The following SNRNP70 variants were observed in gnomAD, a reference collection of about 807,000 sequenced individuals.
SNRNP70 encodes U1 small nuclear ribonucleoprotein 70 kDa.
Under a neutral mutation model 50.5 loss-of-function variants are expected in SNRNP70, and 8 were observed. The observed-to-expected ratio is 0.16, with a 90% CI of 0.09 to 0.29. SNRNP70 has a LOEUF of 0.29. Ranked by LOEUF, SNRNP70 falls within the 10% of genes least tolerant of loss-of-function variation. The pLI, the probability that SNRNP70 is intolerant of heterozygous loss-of-function variation, is 1.00. For synonymous variants in SNRNP70, 320 were observed against 252.9 expected (o/e 1.27, Z -2.52); for missense variants, 529 against 663.5 (o/e 0.80, Z 2.23).
chr19:49,086,368 C>T, intron 1 of SNRNP70, 37 bp from the exon 2 acceptor site: 1 of 1,588,926 alleles, frequency 6.3e-7, no homozygotes, highest in Non-Finnish European at 8.6e-7. Context: ...CTGTGCAGAC[C>T]CGATCTAACC....
rs768303391 is a variant in SNRNP70, at chr19:49,107,629, A to C, written c.582A>C (p.Gly194=). Residue 194 remains glycine (G), a synonymous_variant, in exon 9 of 10, where the codon GGA becomes GGC. Coordinates refer to ENST00000598441, the MANE Select transcript of SNRNP70 (RefSeq NM_003089.6). The surrounding 1 kb of genome is among the most constrained non-coding windows in gnomAD (Gnocchi z 6.0). ...VKGWRPRRLG[G]GLGGTRRGGA... ...TGTCCGTCTGCCCTGCCCCAGGAGG[A>C]GGCCTCGGTGGTACCAGAAGAGGAG... 53 of 1,613,602 alleles carry C rather than the reference A, an allele frequency of 3.3e-5. No homozygotes were observed. The highest frequency in any genetic ancestry group is 2.0e-4 in the Admixed American group (12 of 59,986).
intron 8 of SNRNP70, among the ~76,000 whole-genome samples, chr19:49,106,644 C>T (rs1465354464): frequency 6.6e-6 from 1 of 152,158 alleles, no homozygotes; most frequent in Non-Finnish European, 1.5e-5. Context: ...GATAGAGGAG[C>T]GCTTGAGAAG....
chr19:49,100,394 C>T (rs995428560), intron 6 of SNRNP70, among the ~76,000 whole-genome samples: 2 of 152,162 alleles, frequency 1.3e-5, no homozygotes, highest in Non-Finnish European at 2.9e-5. Flanking sequence ...GGACCTCCAC[C>T]CCACCCCATC....
chr19:49,099,552 G>A (rs1431097367), intron 6 of SNRNP70, among the ~76,000 whole-genome samples: 7 of 146,466 alleles, frequency 4.8e-5, no homozygotes, highest in Admixed American at 3.4e-4. Context: ...CCAACATGGT[G>A]AAACCTGGTC....
intron 8 of SNRNP70, among the ~76,000 whole-genome samples, chr19:49,106,565 GTC>G (rs1432535034): frequency 6.6e-6 from 1 of 152,162 alleles, no homozygotes; most frequent in Non-Finnish European, 1.5e-5. Context: ...CTATAAGAAT[GTC>G]TCCCTGCAGC....
At chr19:49,091,650 A>G (rs768089274) in intron 4 of SNRNP70, among the ~76,000 whole-genome samples, 1 of 152,138 alleles carries the variant, frequency 6.6e-6, no homozygotes, top group East Asian at 1.9e-4. Context: ...TTTTCCTCCT[A>G]TACCTGTGAA....
intron 4 of SNRNP70, among the ~76,000 whole-genome samples, chr19:49,096,676 A>G (rs1484556915): frequency 6.6e-6 from 1 of 151,870 alleles, no homozygotes; most frequent in Non-Finnish European, 1.5e-5. Context: ...CTGAGGCAGG[A>G]GAATCGCTTG....
At chr19:49,096,207 A>T (rs535261306) in intron 4 of SNRNP70, among the ~76,000 whole-genome samples, 1 of 151,894 alleles carries the variant, frequency 6.6e-6, no homozygotes, top group African/African-American at 2.4e-5. Flanking sequence ...ATAGGCGCAC[A>T]CCACCATGCC....
chr19:49,085,710 C>A, intron 1 of SNRNP70, 74 bp downstream of exon 1: 1 of 449,902 alleles, frequency 2.2e-6, no homozygotes, highest in Non-Finnish European at 4.5e-6. Context: ...GGGCCCGGTC[C>A]TCTTCCCCGC....
chr19:49,094,777 G>A (rs1228228602), intron 4 of SNRNP70, among the ~76,000 whole-genome samples: 1 of 152,208 alleles, frequency 6.6e-6, no homozygotes, highest in Non-Finnish European at 1.5e-5. Context: ...CTTGTACTTG[G>A]TGTTACTGAC....
rs975729610 is a variant in SNRNP70 at position 49,107,936 on chromosome 19, C to T, written c.807C>T (p.Arg269=). 43 of 1,547,476 alleles carry T rather than the reference C, an allele frequency of 2.8e-5. No homozygotes were observed. The African/African-American group carries it at 4.0e-4, about 14-fold the overall frequency. The stretch of plus-strand genomic sequence containing the variant: ...ACCGGCGGAGGCGCTCACGGAGTCG[C>T]GACAAGGAGGAGCGGAGGCGCTCCA... ...SRDRRRRSRS[R]DKEERRRSRE... Residue 269 remains arginine, a synonymous_variant, in exon 10 of 10, where the codon CGC becomes CGT. Coordinates refer to ENST00000598441, the MANE Select transcript of SNRNP70 (RefSeq NM_003089.6). The surrounding 1 kb of genome is among the most constrained non-coding windows in gnomAD (Gnocchi z 6.0).
Position 49,098,623 on chromosome 19 carries a change from C to T in SNRNP70, c.331-19C>T. 1 of 1,612,444 alleles carries T rather than the reference C, an allele frequency of 6.2e-7. No homozygotes were observed. The highest frequency in any genetic ancestry group is 8.5e-7 in the Non-Finnish European group (1 of 1,178,482). ...ACAGCTCTGTTCTCCCATTTAACGT[C>T]ATATCCATCTCCTTGTAGAATTATG... is the stretch of plus-strand genomic sequence containing the variant. On this transcript the variant is annotated intron_variant, in intron 5 of 9. Transcript: ENST00000598441.
rs184212659 is a variant in SNRNP70, at chr19:49,087,248, G to T, written c.147+687G>T. 2.2e-3 allele frequency among the ~76,000 whole-genome samples: 331 copies of T among 151,202 alleles called. 1 individual carries two copies. The highest frequency in any genetic ancestry group is 3.5e-3 in the Middle Eastern group (1 of 282). ...TAGAATTTTTGTGAAAATTCAGTGA[G>T]TAGTGGTTGAGGATTCATGCCTAAC... On this transcript the variant is annotated intron_variant, in intron 2 of 9. Coordinates refer to ENST00000598441, the MANE Select transcript of SNRNP70 (RefSeq NM_003089.6).
At chr19:49,097,231 T>C (rs2040524486) in intron 4 of SNRNP70, among the ~76,000 whole-genome samples, 1 of 152,158 alleles carries the variant, frequency 6.6e-6, no homozygotes, top group African/African-American at 2.4e-5. Context: ...AGGAGCCTGG[T>C]AGTTCAAGTG....
chr19:49,105,094 T>C (rs1178036006), intron 8 of SNRNP70, among the ~76,000 whole-genome samples: 1 of 152,068 alleles, frequency 6.6e-6, no homozygotes, highest in Non-Finnish European at 1.5e-5. Flanking sequence ...TGACGCATGC[T>C]GGGGTTGTAA....
At chr19:49,092,309 A>G (rs1441436811) in intron 4 of SNRNP70, among the ~76,000 whole-genome samples, 1 of 151,480 alleles carries the variant, frequency 6.6e-6, no homozygotes, top group East Asian at 1.9e-4. Context: ...GGGTTTCAGC[A>G]TGTTGACCAG....
chr19:49,102,738 G>C (rs1038255284), intron 7 of SNRNP70: 31 of 153,706 alleles, frequency 2.0e-4, no homozygotes, highest in Admixed American at 1.7e-3. Flanking sequence ...ATTGGGGCTT[G>C]GGGTGTGGGA....
At chr19:49,094,044 C>T (rs1215758527) in intron 4 of SNRNP70, among the ~76,000 whole-genome samples, 1 of 151,866 alleles carries the variant, frequency 6.6e-6, no homozygotes, top group Admixed American at 6.6e-5. Flanking sequence ...CAAGTAAGTT[C>T]CAATTGGGCG....
At chr19:49,085,728 C>A (rs1355350288) in intron 1 of SNRNP70, 92 bp downstream of exon 1, 3 of 440,314 alleles carry the variant, frequency 6.8e-6, no homozygotes, top group Non-Finnish European at 4.6e-6. Flanking sequence ...CGCGGCCAGG[C>A]CCCTTTCCCG....
Sources: allele counts gnomAD v4.1 joint callset (sites outside exome capture counted in the v4.1 genomes callset), GRCh38; gene constraint gnomAD v4.1.1; non-coding constraint Gnocchi (gnomAD v3.1); transcripts MANE v1.5; gene names NCBI Gene and HGNC (gene_info 2026-07-23, HGNC 2026-07-21).